The following TLCD4 variants were observed in gnomAD, a reference collection of about 807,000 sequenced individuals.
TLCD4 encodes TLC domain containing 4, also known as TLC domain-containing protein 4.
TLCD4 carries 7 observed loss-of-function variants against 24.2 expected under a neutral mutation model. The observed-to-expected ratio is 0.29, with a 90% CI of 0.16 to 0.54. The LOEUF is 0.54. Ranked by LOEUF, TLCD4 falls within the 20% of genes least tolerant of loss-of-function variation. TLCD4 has a pLI of 0.95. For synonymous variants in TLCD4, 103 were observed against 106.4 expected, an observed-to-expected ratio of 0.97 and a Z score of 0.20; for missense variants, 259 against 313.9, an observed-to-expected ratio of 0.82 and a Z score of 1.32.
intron 5 of TLCD4, among the ~76,000 whole-genome samples, chr1:95,155,752 T>G (rs901690491): frequency 6.0e-3 from 2 of 334 alleles, no homozygotes; most frequent in Non-Finnish European, 0.036. Flanking sequence ...TCACAGAGGT[T>G]TTTTTTTTTT....
chr1:95,109,834 C>T, the TLCD4 span, among the ~76,000 whole-genome samples: 8 of 146,508 alleles, frequency 5.5e-5, no homozygotes, highest in East Asian at 2.0e-4. Flanking sequence ...CTTTTTGTTG[C>T]GATTATGTCT....
chr1:95,104,633 T>C, the TLCD4 span, among the ~76,000 whole-genome samples: 1 of 110,850 alleles, frequency 9.0e-6, no homozygotes, highest in African/African-American at 3.2e-5. Context: ...GCCACTGCAC[T>C]CCAGCCTGGG....
chr1:95,163,635 G>C (rs1052736156), intron 5 of TLCD4: 1 of 152,162 alleles, frequency 6.6e-6, no homozygotes, highest in Non-Finnish European at 1.5e-5. Context: ...CATCTTTATG[G>C]TTTTATCTAC....
chr1:95,110,087 T>C, the TLCD4 span, among the ~76,000 whole-genome samples: 7,281 of 150,454 alleles, frequency 0.048, 230 homozygotes, highest in Middle Eastern at 0.091. Context: ...GATATACATA[T>C]GTATACCAAA....
intron 5 of TLCD4, among the ~76,000 whole-genome samples, chr1:95,153,751 A>C (rs916915685): frequency 6.6e-6 from 1 of 152,148 alleles, no homozygotes; most frequent in African/African-American, 2.4e-5. Flanking sequence ...TTAGGTAGCT[A>C]TTGTCTTATA....
the TLCD4 span, among the ~76,000 whole-genome samples, chr1:95,112,036 C>T: frequency 6.6e-6 from 1 of 152,180 alleles, no homozygotes; most frequent in Non-Finnish European, 1.5e-5. Flanking sequence ...TCAATCTTGG[C>T]ACAGTTGCCA....
At chr1:95,110,012 A>C in the TLCD4 span, among the ~76,000 whole-genome samples, 1 of 138,210 alleles carries the variant, frequency 7.2e-6, no homozygotes, top group Non-Finnish European at 1.5e-5. Context: ...CCCACACTTA[A>C]ATTTTTTATT....
At chr1:95,140,086 T>C (rs1677156867) in intron 1 of TLCD4, among the ~76,000 whole-genome samples, 1 of 152,160 alleles carries the variant, frequency 6.6e-6, no homozygotes, top group Non-Finnish European at 1.5e-5. Context: ...GAGGCTGTTT[T>C]ACAGTTAATT....
chr1:95,095,125 G>C, the TLCD4 span, among the ~76,000 whole-genome samples: 6 of 152,290 alleles, frequency 3.9e-5, no homozygotes, highest in East Asian at 1.2e-3. Flanking sequence ...TAGCACGGTG[G>C]CTATGCTTAA....
chr1:95,136,588 A>G (rs971455553), intron 1 of TLCD4, among the ~76,000 whole-genome samples: 4 of 152,218 alleles, frequency 2.6e-5, no homozygotes, highest in Non-Finnish European at 4.4e-5. Context: ...ATATTTCTCA[A>G]TTCTACTTTG....
rs1403196730 is a variant in TLCD4, at chr1:95,147,821, TA to T, written c.156-874del. On this transcript the variant is annotated intron_variant, in intron 2 of 6. Coordinates refer to ENST00000370203, the MANE Select transcript of TLCD4 (RefSeq NM_152487.3). ...ATGTGAGAAATCTGAAATTGTTGGG[TA>T]AAAAAACTTTATTGTATGGATGAAT... 2.6e-5 allele frequency among the ~76,000 whole-genome samples: 4 copies of T among 152,152 alleles called. No homozygotes were observed. In the East Asian group the frequency reaches 5.8e-4, roughly 22 times the overall value.
At position 95,195,043 on chromosome 1, in the gene TLCD4, G is replaced by C. The variant is rs185939907; in HGVS notation, c.*3175G>C. The C allele has an allele frequency of 6.6e-6, 1 of 152,266 alleles. No individual in the cohort carries two copies. The highest frequency in any genetic ancestry group is 2.4e-5 in the African/African-American group (1 of 41,558). The allele number at this position is 152,266 out of a possible 1,614,324, so 9.4% of individuals were successfully genotyped here. A position where few individuals can be genotyped will look rare whatever the true frequency, so the allele number is the denominator to read the frequency against. ...CCTAAGAGTGACTCTGATATATTAT[G>C]GATGACCCAGGACGGTCTTAAAGGT... On this transcript the variant is annotated 3_prime_UTR_variant, in exon 7 of 7. Transcript: ENST00000370203.
At chr1:95,101,426 TGTGTG>T in the TLCD4 span, among the ~76,000 whole-genome samples, 3 of 150,616 alleles carry the variant, frequency 2.0e-5, no homozygotes, top group African/African-American at 7.3e-5. Flanking sequence ...TGTGTGTGTG[TGTGTG>T]TGTGTGTGTG....
chr1:95,103,134 A>C, the TLCD4 span, among the ~76,000 whole-genome samples: 6 of 152,044 alleles, frequency 3.9e-5, no homozygotes, highest in Admixed American at 1.3e-4. Flanking sequence ...ATGCGCCACC[A>C]TGCCCGTCTA....
intron 1 of TLCD4, among the ~76,000 whole-genome samples, chr1:95,122,969 T>C (rs1271611972): frequency 6.6e-6 from 1 of 151,748 alleles, no homozygotes; most frequent in African/African-American, 2.4e-5. Context: ...TTTATGGACA[T>C]GATTTTTTTT....
intron 6 of TLCD4, among the ~76,000 whole-genome samples, chr1:95,185,692 T>C (rs2101016898): frequency 6.6e-6 from 1 of 152,356 alleles, no homozygotes. Flanking sequence ...TTCTTTTCTC[T>C]AGAAAATAAC....
the TLCD4 span, among the ~76,000 whole-genome samples, chr1:95,107,967 GAATAAC>G: frequency 6.6e-6 from 1 of 152,154 alleles, no homozygotes; most frequent in East Asian, 1.9e-4. Context: ...TGAGGAAGTA[GAATAAC>G]AATATGTTTA....
At chr1:95,190,202 C>G (rs750203993) in intron 6 of TLCD4, among the ~76,000 whole-genome samples, 17 of 151,718 alleles carry the variant, frequency 1.1e-4, no homozygotes, top group Admixed American at 2.0e-4. Context: ...CTCCCAGGTT[C>G]AAGAGATTCT....
intron 1 of TLCD4, among the ~76,000 whole-genome samples, chr1:95,136,202 A>G (rs1375881309): frequency 6.6e-6 from 1 of 151,888 alleles, no homozygotes; most frequent in African/African-American, 2.4e-5. Flanking sequence ...TGATCAAAAG[A>G]TGCACTTCCA....
Sources: gnomAD v4.1 joint callset for allele counts (sites outside exome capture counted in the v4.1 genomes callset) on GRCh38, gnomAD v4.1.1 for gene constraint, MANE v1.5 for transcripts, NCBI Gene and HGNC (gene_info 2026-07-23, HGNC 2026-07-21) for gene names.